SEMA3A: variants seen among roughly 807,000 people sequenced by gnomAD.
SEMA3A encodes the protein semaphorin 3A.
Under a neutral mutation model 97.9 loss-of-function variants are expected in SEMA3A, and 29 were observed. The observed-to-expected ratio is 0.30, with a 90% CI of 0.22 to 0.40. SEMA3A has a LOEUF of 0.40. Ranked by LOEUF, SEMA3A falls within the 10% of genes least tolerant of loss-of-function variation. The pLI, the probability that SEMA3A is intolerant of heterozygous loss-of-function variation, is 1.00. For synonymous variants in SEMA3A, 321 were observed against 323.7 expected, an observed-to-expected ratio of 0.99 and a Z score of 0.09; for missense variants, 763 against 951.3, an observed-to-expected ratio of 0.80 and a Z score of 2.60.
At chr7:84,424,612 A>T (rs867779481) in intron 1 of SEMA3A, among the ~76,000 whole-genome samples, 1,008 of 29,186 alleles carry the variant, frequency 0.035, 33 homozygotes, top group African/African-American at 0.16. Context: ...ATTAATATAT[A>T]ATATAATATA....
intron 4 of SEMA3A, among the ~76,000 whole-genome samples, chr7:84,085,402 G>GA (rs913282610): frequency 6.1e-5 from 9 of 146,346 alleles, no homozygotes; most frequent in Admixed American, 2.7e-4. Flanking sequence ...TATTCTGGGA[G>GA]AAAAAAAAAA....
intron 1 of SEMA3A, among the ~76,000 whole-genome samples, chr7:84,445,059 T>C (rs185888897): frequency 9.1e-4 from 139 of 152,286 alleles, no homozygotes; most frequent in Non-Finnish European, 1.7e-3. Context: ...GATCCTGTTT[T>C]GACATAACAA....
intron 3 of SEMA3A, among the ~76,000 whole-genome samples, chr7:84,291,676 T>A (rs71558723): frequency 0.033 from 5,036 of 152,170 alleles, 95 homozygotes; most frequent in South Asian, 0.061. Context: ...CATCCAGAAA[T>A]ATAATAGAAG....
At chr7:84,172,297 A>C (rs1364135229) in intron 1 of SEMA3A, among the ~76,000 whole-genome samples, 1 of 152,322 alleles carries the variant, frequency 6.6e-6, no homozygotes, top group East Asian at 1.9e-4. Context: ...ACAAGAGGGA[A>C]ACATTGCCCT....
chr7:84,172,453 C>G (rs542939797), intron 1 of SEMA3A, among the ~76,000 whole-genome samples: 1 of 152,070 alleles, frequency 6.6e-6, no homozygotes, highest in Non-Finnish European at 1.5e-5. Context: ...GACAGAGTCT[C>G]GCTCTGTCAC....
intron 16 of SEMA3A, 44 bp downstream of exon 16, chr7:83,963,148 ATTACATTTAACAG>A: frequency 6.4e-7 from 1 of 1,573,474 alleles, no homozygotes; most frequent in Non-Finnish European, 8.7e-7. Flanking sequence ...AAATACAAGG[ATTACATTTAACAG>A]TGTATCTTAG....
chr7:84,007,908 T>C (rs1790730605), intron 9 of SEMA3A, among the ~76,000 whole-genome samples: 1 of 152,166 alleles, frequency 6.6e-6, no homozygotes, highest in African/African-American at 2.4e-5. Context: ...GCAAGAATGT[T>C]TAAGAACTCA....
At chr7:84,212,001 C>A (rs759047502) in intron 3 of SEMA3A, among the ~76,000 whole-genome samples, 1 of 152,130 alleles carries the variant, frequency 6.6e-6, no homozygotes, top group Non-Finnish European at 1.5e-5. Context: ...TGCATATCCA[C>A]GTAGAAACTG....
intron 1 of SEMA3A, among the ~76,000 whole-genome samples, chr7:84,433,635 T>A (rs1199286209): frequency 6.6e-6 from 1 of 152,134 alleles, no homozygotes; most frequent in Admixed American, 6.5e-5. Flanking sequence ...TAGTTCTAGA[T>A]CCTTGAGGAA....
chr7:84,172,432 T>C (rs1030713992), intron 1 of SEMA3A, among the ~76,000 whole-genome samples: 7 of 152,172 alleles, frequency 4.6e-5, no homozygotes, highest in Non-Finnish European at 7.3e-5. Flanking sequence ...TTTTCTTTTT[T>C]TCTTTTTTGA....
At chr7:84,414,067 C>G (rs926048466) in intron 1 of SEMA3A, among the ~76,000 whole-genome samples, 5 of 152,204 alleles carry the variant, frequency 3.3e-5, no homozygotes, top group African/African-American at 1.2e-4. Flanking sequence ...CTTTATTAAT[C>G]TTATAATAAT....
chr7:84,034,584 A>G (rs981768664), intron 6 of SEMA3A, among the ~76,000 whole-genome samples: 20 of 152,158 alleles, frequency 1.3e-4, no homozygotes, highest in Admixed American at 8.5e-4. Flanking sequence ...GATTATTTCA[A>G]ATATTTACTT....
intron 3 of SEMA3A, among the ~76,000 whole-genome samples, chr7:84,258,731 C>T (rs1451381467): frequency 2.0e-5 from 3 of 152,150 alleles, no homozygotes; most frequent in Non-Finnish European, 2.9e-5. Flanking sequence ...TGCTGCTTTA[C>T]TGCTCCATGA....
intron 1 of SEMA3A, among the ~76,000 whole-genome samples, chr7:84,487,771 G>T (rs1170212244): frequency 6.6e-6 from 1 of 151,952 alleles, no homozygotes; most frequent in Non-Finnish European, 1.5e-5. Context: ...AGGATCTTGA[G>T]ATTACTTTTT....
intron 3 of SEMA3A, among the ~76,000 whole-genome samples, chr7:84,304,988 G>A (rs1381717224): frequency 6.6e-6 from 1 of 151,720 alleles, no homozygotes; most frequent in Non-Finnish European, 1.5e-5. Flanking sequence ...TCTAAAATTT[G>A]TTTAGAATCA....
At chr7:84,081,359 A>G (rs571379992) in intron 4 of SEMA3A, among the ~76,000 whole-genome samples, 258 of 152,118 alleles carry the variant, frequency 1.7e-3, no homozygotes, top group South Asian at 4.6e-3. Context: ...TTGGGAGGCC[A>G]AGGAGGGCGG....
At chr7:84,053,606 C>G (rs1792791129) in intron 5 of SEMA3A, among the ~76,000 whole-genome samples, 1 of 147,048 alleles carries the variant, frequency 6.8e-6, no homozygotes, top group South Asian at 2.2e-4. Context: ...CTATGTGTGT[C>G]TCTGCACGTG....
chr7:84,359,288 C>A (rs1416619736), intron 2 of SEMA3A, among the ~76,000 whole-genome samples: 1 of 151,802 alleles, frequency 6.6e-6, no homozygotes, highest in Non-Finnish European at 1.5e-5. Flanking sequence ...TCATAAATAG[C>A]TCTTATTATT....
chr7:84,029,242 G>A (rs1218902558), intron 6 of SEMA3A, among the ~76,000 whole-genome samples: 5 of 152,136 alleles, frequency 3.3e-5, no homozygotes, highest in Non-Finnish European at 7.4e-5. Flanking sequence ...AGTATGTGGT[G>A]TTTTCTAATG....
Sources: allele counts gnomAD v4.1 joint callset (sites outside exome capture counted in the v4.1 genomes callset), GRCh38; gene constraint gnomAD v4.1.1; transcripts MANE v1.5; gene names NCBI Gene and HGNC (gene_info 2026-07-23, HGNC 2026-07-21).